The following RBM33 variants were observed in gnomAD, a reference collection of about 807,000 sequenced individuals.
RBM33 encodes the protein RNA-binding protein 33.
A neutral mutation model predicts 132.6 loss-of-function variants in RBM33; 28 were observed. The ratio of observed to expected loss-of-function variants is 0.21; its 90% CI spans 0.16 to 0.29. The LOEUF (loss-of-function observed/expected upper bound fraction) is 0.29, where lower values mean the gene tolerates loss of function less well. Among genes scored for constraint, RBM33 ranks in the 10% least tolerant of loss-of-function variants. The probability of loss-of-function intolerance (pLI) is 1.00; values close to 1 mark genes in which losing one functional copy is unlikely to be tolerated. For missense variants in RBM33, 1,291 were observed against 1,518.5 expected (o/e 0.85, Z 2.49); for synonymous variants, 634 against 593.0 (o/e 1.07, Z -1.01).
intron 5 of RBM33, among the ~76,000 whole-genome samples, chr7:155,686,931 A>T (rs1396757319): frequency 6.6e-6 from 1 of 152,342 alleles, no homozygotes. Context: ...ATAGTTCCTC[A>T]GTAAACATAC....
intron 6 of RBM33, among the ~76,000 whole-genome samples, chr7:155,705,766 TC>T (rs1441304868): frequency 6.6e-6 from 1 of 152,238 alleles, no homozygotes; most frequent in Non-Finnish European, 1.5e-5. Flanking sequence ...GAATGTGGCA[TC>T]TGAAGTTTCT....
intron 1 of RBM33, among the ~76,000 whole-genome samples, chr7:155,657,893 GTA>G (rs1357659876): frequency 6.6e-6 from 1 of 152,142 alleles, no homozygotes; most frequent in African/African-American, 2.4e-5. Context: ...GGCCTAACGT[GTA>G]TCAGGGACAG....
intron 1 of RBM33, among the ~76,000 whole-genome samples, chr7:155,653,078 A>G (rs1436492074): frequency 2.6e-5 from 4 of 151,294 alleles, no homozygotes; most frequent in African/African-American, 9.7e-5. Context: ...TATCTATACT[A>G]TTTTTTTTTA....
chr7:155,714,668 G>A (rs1344849392), intron 8 of RBM33, among the ~76,000 whole-genome samples: 2 of 152,180 alleles, frequency 1.3e-5, no homozygotes, highest in African/African-American at 4.8e-5. Context: ...GCCACTCAGA[G>A]GGGCCATTAG....
At chr7:155,673,940 GTTTTTTTTT>G (rs71186053) in intron 3 of RBM33, among the ~76,000 whole-genome samples, 9 of 54,192 alleles carry the variant, frequency 1.7e-4, no homozygotes, top group African/African-American at 6.6e-4. Context: ...TTTAGGCTTA[GTTTTTTTTT>G]TTTTTTTTTT....
intron 14 of RBM33, among the ~76,000 whole-genome samples, chr7:155,758,559 C>T (rs1454566504): frequency 6.6e-6 from 1 of 152,218 alleles, no homozygotes; most frequent in East Asian, 1.9e-4. Context: ...CTGCTGCTCA[C>T]CTCCTGCGGT....
intron 5 of RBM33, among the ~76,000 whole-genome samples, chr7:155,684,285 G>A (rs563920783): frequency 2.0e-5 from 3 of 152,118 alleles, no homozygotes; most frequent in East Asian, 1.9e-4. Context: ...GTCTACCTCC[G>A]CTGAGTAGGA....
At chr7:155,649,112 GGGAC>G (rs1798285923) in intron 1 of RBM33, among the ~76,000 whole-genome samples, 1 of 151,924 alleles carries the variant, frequency 6.6e-6, no homozygotes, top group Admixed American at 6.6e-5. Context: ...TTCTCCTTCT[GGGAC>G]TCCCATAATG....
intron 9 of RBM33, among the ~76,000 whole-genome samples, chr7:155,737,245 CGTGTGTGTGTGTGTGTGTGTG>C (rs1801155194): frequency 3.4e-5 from 5 of 149,152 alleles, no homozygotes; most frequent in East Asian, 2.0e-4. Context: ...TCTAGGTGCG[CGTGTGTGTGTGTGTGTGTGTG>C]ATTACAATAC....
intron 2 of RBM33, among the ~76,000 whole-genome samples, chr7:155,667,792 A>AT (rs1221148764): frequency 3.3e-5 from 5 of 152,160 alleles, no homozygotes; most frequent in Non-Finnish European, 5.9e-5. Flanking sequence ...GAAAGTTGTA[A>AT]TTTTTTTAAA....
intron 9 of RBM33, among the ~76,000 whole-genome samples, chr7:155,733,401 G>A (rs1397762261): frequency 1.1e-5 from 1 of 90,202 alleles, no homozygotes; most frequent in African/African-American, 5.2e-5. Flanking sequence ...CTTGAATATT[G>A]AAATCCCTGA....
intron 8 of RBM33, among the ~76,000 whole-genome samples, chr7:155,714,634 G>T (rs1715756547): frequency 6.6e-6 from 1 of 152,184 alleles, no homozygotes; most frequent in African/African-American, 2.4e-5. Flanking sequence ...CAGACCTTTG[G>T]CAAGAAGCTG....
intron 5 of RBM33, among the ~76,000 whole-genome samples, chr7:155,688,704 T>A (rs544102445): frequency 6.6e-6 from 1 of 152,348 alleles, no homozygotes; most frequent in Admixed American, 6.5e-5. Flanking sequence ...TAAATTTTGT[T>A]GAAGGCTTTT....
At chr7:155,646,920 T>G (rs988064871) in intron 1 of RBM33, among the ~76,000 whole-genome samples, 1 of 152,234 alleles carries the variant, frequency 6.6e-6, no homozygotes, top group African/African-American at 2.4e-5. Context: ...AAGGATGAAA[T>G]GTTTTCTTTA....
In RBM33 at chr7:155,651,125, G is replaced by A. The variant is rs191394551; in HGVS notation, c.43+6206G>A. Among the ~76,000 whole-genome samples the A allele has an allele frequency of 2.6e-4, 40 of 152,216 alleles. No homozygotes were observed. In the East Asian group the frequency reaches 7.5e-3, roughly 29 times the overall value. On this transcript the variant is annotated intron_variant, in intron 1 of 17. Coordinates refer to ENST00000401878, the MANE Select transcript of RBM33 (RefSeq NM_053043.3). The stretch of plus-strand genomic sequence containing the variant: ...ACTCCTGACCTCAGGTGATCTGCCC[G>A]CCTCGGCCTCCCAAAGTGCTAGGAT...
At chr7:155,664,057 C>G (rs565212730) in intron 1 of RBM33, among the ~76,000 whole-genome samples, 1 of 152,248 alleles carries the variant, frequency 6.6e-6, no homozygotes, top group South Asian at 2.1e-4. Flanking sequence ...TCTTAATTGC[C>G]CTTTCTTCAC....
intron 7 of RBM33, among the ~76,000 whole-genome samples, chr7:155,710,711 C>T (rs1585471077): frequency 1.3e-5 from 2 of 152,102 alleles, no homozygotes; most frequent in Non-Finnish European, 2.9e-5. Context: ...CCCAGCCTCT[C>T]CTGGAGGCTC....
At chr7:155,714,077 A>G (rs1800388034) in intron 8 of RBM33, among the ~76,000 whole-genome samples, 1 of 151,952 alleles carries the variant, frequency 6.6e-6, no homozygotes, top group Non-Finnish European at 1.5e-5. Context: ...GCTTTCGAAG[A>G]GTGGATGTGC....
intron 14 of RBM33, among the ~76,000 whole-genome samples, chr7:155,759,415 C>CTTTTTTTTTTTTTT (rs58449648): frequency 2.6e-5 from 3 of 114,014 alleles, no homozygotes; most frequent in African/African-American, 7.2e-5. Context: ...TGTTTATGTT[C>CTTTTTTTTTTTTTT]TTTTTTTTTT....
Sources: gnomAD v4.1 joint callset for allele counts (sites outside exome capture counted in the v4.1 genomes callset) on GRCh38, gnomAD v4.1.1 for gene constraint, MANE v1.5 for transcripts, NCBI Gene and HGNC (gene_info 2026-07-23, HGNC 2026-07-21) for gene names.